The following UXS1 variants were observed in gnomAD, a reference collection of about 807,000 sequenced individuals.
The protein encoded by UXS1 is UDP-glucuronate decarboxylase 1.
A neutral mutation model predicts 62.6 loss-of-function variants in UXS1; 33 were observed. That is an observed-to-expected ratio of 0.53 (90% CI 0.40 to 0.70). The LOEUF (loss-of-function observed/expected upper bound fraction) is 0.70, where lower values mean the gene tolerates loss of function less well. Ranked by LOEUF, UXS1 falls within the 30% of genes least tolerant of loss-of-function variation. The probability of loss-of-function intolerance (pLI) is 0.00; values close to 1 mark genes in which losing one functional copy is unlikely to be tolerated. For synonymous variants in UXS1, 213 were observed against 206.8 expected, an observed-to-expected ratio of 1.03 and a Z score of -0.26; for missense variants, 434 against 556.3, an observed-to-expected ratio of 0.78 and a Z score of 2.21.
At chr2:106,137,945 C>A (rs1680797120) in intron 6 of UXS1, among the ~76,000 whole-genome samples, 1 of 152,186 alleles carries the variant, frequency 6.6e-6, no homozygotes, top group Non-Finnish European at 1.5e-5. Context: ...ACGGGCATTT[C>A]TGCTTACACA....
At chr2:106,136,931 A>G (rs1680688446) in intron 6 of UXS1, among the ~76,000 whole-genome samples, 1 of 142,154 alleles carries the variant, frequency 7.0e-6, no homozygotes, top group Non-Finnish European at 1.5e-5. Flanking sequence ...TAAAAAAAGA[A>G]AAAAAAAAAG....
chr2:106,176,697 C>T (rs757003888), intron 1 of UXS1, among the ~76,000 whole-genome samples: 12 of 152,326 alleles, frequency 7.9e-5, no homozygotes, highest in East Asian at 1.9e-4. Context: ...TCATTCTAAG[C>T]GGTTACACAG....
At chr2:106,163,533 C>T in intron 4 of UXS1, 134 bp downstream of exon 4, 1 of 528,228 alleles carries the variant, frequency 1.9e-6, no homozygotes, top group Non-Finnish European at 3.3e-6. Flanking sequence ...CTGGGTATTA[C>T]ACTCAAAGTG....
At chr2:106,158,501 T>C (rs1261394803) in intron 4 of UXS1, among the ~76,000 whole-genome samples, 1 of 152,230 alleles carries the variant, frequency 6.6e-6, no homozygotes, top group African/African-American at 2.4e-5. Flanking sequence ...AGAAATCTAA[T>C]ATGACTGGCT....
intron 5 of UXS1, among the ~76,000 whole-genome samples, chr2:106,148,141 G>A (rs781422085): frequency 6.6e-6 from 1 of 152,094 alleles, no homozygotes; most frequent in East Asian, 1.9e-4. Context: ...CTAATTACAC[G>A]CTCTCTACTG....
chr2:106,106,201 C>G (rs757724271), intron 10 of UXS1, among the ~76,000 whole-genome samples: 1 of 152,080 alleles, frequency 6.6e-6, no homozygotes, highest in African/African-American at 2.4e-5. Context: ...CCTGTCTCTG[C>G]TAAAATTACA....
intron 1 of UXS1, among the ~76,000 whole-genome samples, chr2:106,185,777 A>G (rs1322912118): frequency 6.6e-6 from 1 of 152,228 alleles, no homozygotes; most frequent in African/African-American, 2.4e-5. Flanking sequence ...TTCTTATAAG[A>G]AACACCCAGG....
chr2:106,165,683 T>G (rs921536214), intron 2 of UXS1, among the ~76,000 whole-genome samples: 1 of 152,206 alleles, frequency 6.6e-6, no homozygotes, highest in Non-Finnish European at 1.5e-5. Context: ...GTCATGGGCC[T>G]GCCATGGCTT....
intron 13 of UXS1, chr2:106,097,602 G>T (rs543927884): frequency 4.3e-6 from 1 of 235,256 alleles, no homozygotes. Context: ...GCGTCAGCAC[G>T]CACGGATCAC....
Position 106,094,079 on chromosome 2 carries a change from T to A in UXS1, c.1225A>T (p.Ile409Phe), listed in dbSNP as rs1573375359. 6 of 1,613,612 alleles carry A rather than the reference T, an allele frequency of 3.7e-6. No individual in the cohort carries two copies. Among genetic ancestry groups the A allele is most frequent in the Non-Finnish European group, 5.1e-6 (6 of 1,179,820 alleles). Residue 409 changes from isoleucine (I) to phenylalanine (F), a missense_variant, in exon 15 of 15, where the codon ATC (isoleucine) becomes TTC (phenylalanine). By Grantham distance (21) the Ile-to-Phe change is conservative. This residue lies in a region of UXS1 where 209 missense variants were observed against 233.3 expected (regional missense o/e 0.90). Transcript: ENST00000283148. ...ATTCTGGCAGGCTTTGGTTTGGGGA[T>A]GTACTGATTATTTGCCTGGTACTCG... Reference protein sequence around the residue: ...ELEYQANNQYIPKPKPARIKK... With the variant: ...ELEYQANNQYFPKPKPARIKK...
In UXS1 at chr2:106,167,272, T is replaced by C. The variant is rs754786155; in HGVS notation, c.95-1189A>G. ...TGTACACACTCCTATTTGGCCCTCA[T>C]GTGGCCACTCAGCAGATACTGAAGG... On this transcript the variant is annotated intron_variant, in intron 1 of 14. Transcript: ENST00000283148. 2.6e-5 allele frequency among the ~76,000 whole-genome samples: 4 copies of C among 152,312 alleles called. No homozygotes were observed. The East Asian group carries it at 5.8e-4, about 22-fold the overall frequency.
chr2:106,136,390 G>A (rs1680639747), intron 6 of UXS1, among the ~76,000 whole-genome samples: 1 of 148,680 alleles, frequency 6.7e-6, no homozygotes, highest in African/African-American at 2.5e-5. Flanking sequence ...AACACCATTT[G>A]ACCCAGCCAT....
At chr2:106,149,718 T>C (rs1454082412) in intron 5 of UXS1, among the ~76,000 whole-genome samples, 1 of 152,224 alleles carries the variant, frequency 6.6e-6, no homozygotes, top group Non-Finnish European at 1.5e-5. Context: ...AGAAGTGGGA[T>C]GATGCTTATA....
chr2:106,105,579 G>A (rs1215355849), intron 10 of UXS1, among the ~76,000 whole-genome samples: 1 of 152,156 alleles, frequency 6.6e-6, no homozygotes, highest in African/African-American at 2.4e-5. Flanking sequence ...CTGGCTCATT[G>A]CCCAGGGAAA....
In UXS1 at chr2:106,093,765, A is replaced by G. The variant is rs551402397; in HGVS notation, c.*261T>C. The stretch of plus-strand genomic sequence containing the variant: ...ACAACATATGCTCTCACAGCAAGAT[A>G]AAAAAACTTGAAAATACGCAGAGAT... On this transcript the variant is annotated 3_prime_UTR_variant, in exon 15 of 15. Transcript: ENST00000283148. The G allele has an allele frequency of 1.7e-4, 64 of 381,434 alleles. No homozygotes were observed. Among genetic ancestry groups the G allele is most frequent in the Non-Finnish European group, 2.8e-4 (61 of 219,068 alleles). The allele number at this position is 381,434 out of a possible 1,614,324, so 23.6% of individuals were successfully genotyped here.
At chr2:106,127,835 C>T (rs1207469773) in intron 7 of UXS1, among the ~76,000 whole-genome samples, 1 of 152,222 alleles carries the variant, frequency 6.6e-6, no homozygotes, top group African/African-American at 2.4e-5. Context: ...AAGGCCTCCA[C>T]ATTCAATCTC....
At chr2:106,141,016 G>A (rs1429580336) in intron 6 of UXS1, among the ~76,000 whole-genome samples, 1 of 152,236 alleles carries the variant, frequency 6.6e-6, no homozygotes, top group African/African-American at 2.4e-5. Context: ...AGACACAGAT[G>A]TGTGGCTTTC....
intron 6 of UXS1, among the ~76,000 whole-genome samples, chr2:106,140,402 T>A (rs192319537): frequency 1.4e-3 from 207 of 152,296 alleles, no homozygotes; most frequent in African/African-American, 4.6e-3. Flanking sequence ...GAGAAAAAAA[T>A]TTCTAAATGA....
rs1677550561 is a variant in UXS1 at position 106,101,064 on chromosome 2, GA to G, written c.977del (p.Val326AlafsTer12). 1 of 1,613,780 alleles carries G rather than the reference GA, an allele frequency of 6.2e-7. No homozygotes were observed. The highest frequency in any genetic ancestry group is 8.5e-7 in the Non-Finnish European group (1 of 1,179,882). ...GAGGGAGAGGAGCACTCACCAGGTT[GA>G]CCGGGCTGCTGACGTTGCTGTTCAT... ...ALMNSNVSSP[V>X]NLGNPEEHTI... On this transcript the variant is annotated frameshift_variant, in exon 12 of 15. Coordinates refer to ENST00000283148, the MANE Select transcript of UXS1 (RefSeq NM_001253875.2). LOFTEE classifies it high-confidence loss of function.
Sources: allele counts gnomAD v4.1 joint callset (sites outside exome capture counted in the v4.1 genomes callset), GRCh38; gene constraint gnomAD v4.1.1; regional missense constraint gnomAD v4.1.1; transcripts MANE v1.5; gene names NCBI Gene and HGNC (gene_info 2026-07-23, HGNC 2026-07-21).